The following MAGI2 variants were observed in gnomAD, a reference collection of about 807,000 sequenced individuals.
MAGI2 encodes the protein membrane associated guanylate kinase, WW and PDZ domain containing 2.
MAGI2 carries 35 observed loss-of-function variants against 133.3 expected under a neutral mutation model. The ratio of observed to expected loss-of-function variants is 0.26; its 90% CI spans 0.20 to 0.35. The LOEUF is 0.35. Ranked by LOEUF, MAGI2 falls within the 10% of genes least tolerant of loss-of-function variation. The probability of loss-of-function intolerance (pLI) is 1.00; values close to 1 mark genes in which losing one functional copy is unlikely to be tolerated. For synonymous variants in MAGI2, 729 were observed against 710.6 expected (o/e 1.03, Z -0.41); for missense variants, 1,636 against 1,863.4 (o/e 0.88, Z 2.25).
chr7:78,386,234 C>T (rs1795378634), intron 6 of MAGI2, among the ~76,000 whole-genome samples: 1 of 152,120 alleles, frequency 6.6e-6, no homozygotes, highest in Non-Finnish European at 1.5e-5. Context: ...GCATTACTCT[C>T]TCCATACAGC....
intron 1 of MAGI2, among the ~76,000 whole-genome samples, chr7:79,194,406 T>C (rs1326553590): frequency 6.6e-6 from 1 of 151,962 alleles, no homozygotes; most frequent in East Asian, 1.9e-4. Context: ...CAAGCAATCA[T>C]AAATGTAACA....
At chr7:78,561,743 G>A (rs1315009906) in intron 3 of MAGI2, among the ~76,000 whole-genome samples, 1 of 152,170 alleles carries the variant, frequency 6.6e-6, no homozygotes, top group Non-Finnish European at 1.5e-5. Context: ...AGGAAGCAAA[G>A]AGGTCATTGT....
chr7:78,460,250 C>T (rs7795760), intron 6 of MAGI2, among the ~76,000 whole-genome samples: 32,143 of 152,086 alleles, frequency 0.21, 3,539 homozygotes, highest in Middle Eastern at 0.29. Flanking sequence ...CAACTGAGTG[C>T]GCGAATCAAT....
chr7:78,656,983 C>T (rs985250224), intron 2 of MAGI2, among the ~76,000 whole-genome samples: 1 of 144,098 alleles, frequency 6.9e-6, no homozygotes, highest in African/African-American at 2.5e-5. Flanking sequence ...AACATAAAAC[C>T]CAGTATAAAA....
chr7:78,892,973 C>A (rs1233854715), intron 2 of MAGI2, among the ~76,000 whole-genome samples: 1 of 152,194 alleles, frequency 6.6e-6, no homozygotes, highest in African/African-American at 2.4e-5. Flanking sequence ...TTTTCACAAC[C>A]TACTCATCTG....
intron 2 of MAGI2, among the ~76,000 whole-genome samples, chr7:78,962,353 G>A (rs1562722190): frequency 2.0e-5 from 3 of 151,834 alleles, no homozygotes; most frequent in Admixed American, 2.0e-4. Flanking sequence ...AATGGAAAAA[G>A]GCTGAGCTTT....
chr7:78,169,975 T>C (rs1825965721), intron 14 of MAGI2, among the ~76,000 whole-genome samples: 1 of 152,240 alleles, frequency 6.6e-6, no homozygotes, highest in Admixed American at 6.5e-5. Flanking sequence ...ATTTGGTAAG[T>C]GCTTTGTGCA....
intron 1 of MAGI2, among the ~76,000 whole-genome samples, chr7:79,286,571 T>G (rs1836017951): frequency 7.1e-6 from 1 of 140,332 alleles, no homozygotes; most frequent in South Asian, 2.3e-4. Context: ...GATATTCATG[T>G]AATAGGAAGA....
At chr7:79,058,054 A>C (rs1420331203) in intron 1 of MAGI2, among the ~76,000 whole-genome samples, 1 of 151,866 alleles carries the variant, frequency 6.6e-6, no homozygotes, top group African/African-American at 2.4e-5. Flanking sequence ...TATATAATTC[A>C]TACTTTTGAG....
intron 1 of MAGI2, among the ~76,000 whole-genome samples, chr7:79,170,412 G>T (rs988009576): frequency 2.6e-5 from 4 of 151,908 alleles, no homozygotes; most frequent in Non-Finnish European, 4.4e-5. Flanking sequence ...CTAGCCTCAA[G>T]TGATCCTCCT....
chr7:78,191,218 G>A (rs1828178801), intron 12 of MAGI2, among the ~76,000 whole-genome samples: 1 of 151,620 alleles, frequency 6.6e-6, no homozygotes, highest in Admixed American at 6.6e-5. Context: ...AGTTAGTGGG[G>A]AAATAATTCT....
At chr7:78,725,032 T>G (rs917145672) in intron 2 of MAGI2, among the ~76,000 whole-genome samples, 1 of 152,190 alleles carries the variant, frequency 6.6e-6, no homozygotes, top group African/African-American at 2.4e-5. Flanking sequence ...TTTACTGGAA[T>G]GAAGGAGGAT....
intron 1 of MAGI2, among the ~76,000 whole-genome samples, chr7:79,053,232 C>G (rs1486064537): frequency 1.3e-5 from 2 of 152,064 alleles, no homozygotes; most frequent in African/African-American, 2.4e-5. Flanking sequence ...CTTGGCCTCC[C>G]GAAGTGCTGG....
chr7:79,425,812 G>A (rs1296070549), intron 1 of MAGI2, among the ~76,000 whole-genome samples: 4 of 151,838 alleles, frequency 2.6e-5, no homozygotes, highest in Non-Finnish European at 5.9e-5. Flanking sequence ...GGGGGAGAAA[G>A]ACAAAGAAGC....
At chr7:78,695,735 C>T (rs1585113763) in intron 2 of MAGI2, among the ~76,000 whole-genome samples, 1 of 152,226 alleles carries the variant, frequency 6.6e-6, no homozygotes, top group East Asian at 1.9e-4. Flanking sequence ...AAAATTCCAC[C>T]ATGCTAATAA....
At chr7:78,989,023 G>C (rs146648533) in intron 2 of MAGI2, among the ~76,000 whole-genome samples, 1 of 152,006 alleles carries the variant, frequency 6.6e-6, no homozygotes, top group African/African-American at 2.4e-5. Context: ...GAGGTGCTTC[G>C]TGTATTTTTG....
At chr7:78,667,364 GATT>G (rs1259375537) in intron 2 of MAGI2, among the ~76,000 whole-genome samples, 1 of 147,968 alleles carries the variant, frequency 6.8e-6, no homozygotes, top group Non-Finnish European at 1.5e-5. Context: ...TTTTTTTTGA[GATT>G]CTTTTTTTTT....
chr7:78,370,492 C>A (rs1025129318), intron 6 of MAGI2, among the ~76,000 whole-genome samples: 1 of 151,824 alleles, frequency 6.6e-6, no homozygotes, highest in Non-Finnish European at 1.5e-5. Flanking sequence ...AAATGTAAAT[C>A]TTTTATCATA....
intron 3 of MAGI2, among the ~76,000 whole-genome samples, chr7:78,559,089 T>C (rs1800124729): frequency 7.8e-6 from 1 of 127,676 alleles, no homozygotes; most frequent in Non-Finnish European, 1.5e-5. Flanking sequence ...ATATGCATGA[T>C]TACAATCATT....
Sources: allele counts gnomAD v4.1 joint callset (sites outside exome capture counted in the v4.1 genomes callset), GRCh38; gene constraint gnomAD v4.1.1; transcripts MANE v1.5; gene names NCBI Gene and HGNC (gene_info 2026-07-23, HGNC 2026-07-21).